The following TTC29 variants were observed in gnomAD, a reference collection of about 807,000 sequenced individuals.
TTC29 encodes the protein tetratricopeptide repeat domain 29.
In TTC29, 49 loss-of-function variants were observed where a neutral mutation model predicts 58.1. That is an observed-to-expected ratio of 0.84 (90% CI 0.67 to 1.07). The LOEUF is 1.07. TTC29 is among the 50% of genes least tolerant of loss of function. The pLI is 0.00. For synonymous variants in TTC29, 209 were observed against 196.8 expected, an observed-to-expected ratio of 1.06 and a Z score of -0.52; for missense variants, 582 against 555.6, an observed-to-expected ratio of 1.05 and a Z score of -0.48.
chr4:146,892,856 G>C (rs1196185964), intron 6 of TTC29, among the ~76,000 whole-genome samples: 1 of 152,142 alleles, frequency 6.6e-6, no homozygotes, highest in Admixed American at 6.5e-5. Context: ...CAAAATCAGT[G>C]TGCAAAAATC....
At chr4:146,940,005 T>G (rs935515515) in intron 2 of TTC29, 104 bp from the exon 3 acceptor site, 5 of 1,119,288 alleles carry the variant, frequency 4.5e-6, no homozygotes, top group Middle Eastern at 2.9e-4. Flanking sequence ...TAGTTGAGAA[T>G]GCCTATGTGT....
At chr4:146,887,073 G>C (rs539259010) in intron 6 of TTC29, among the ~76,000 whole-genome samples, 1 of 152,220 alleles carries the variant, frequency 6.6e-6, no homozygotes, top group Admixed American at 6.5e-5. Context: ...GAGTTGATGG[G>C]AAGTTGCTAA....
chr4:146,932,795 G>C (rs1395754184), intron 4 of TTC29, among the ~76,000 whole-genome samples: 1 of 152,084 alleles, frequency 6.6e-6, no homozygotes, highest in Non-Finnish European at 1.5e-5. Flanking sequence ...GGTGGTTCAC[G>C]CCTGTAGTCC....
At chr4:146,895,108 G>A (rs1243586516) in intron 6 of TTC29, among the ~76,000 whole-genome samples, 1 of 152,148 alleles carries the variant, frequency 6.6e-6, no homozygotes, top group Non-Finnish European at 1.5e-5. Context: ...AGTATGCTGA[G>A]GATAATGACT....
At chr4:146,881,719 C>T (rs923797176) in intron 6 of TTC29, among the ~76,000 whole-genome samples, 5 of 152,054 alleles carry the variant, frequency 3.3e-5, no homozygotes, top group Non-Finnish European at 7.4e-5. Flanking sequence ...GGGCTTGCCA[C>T]ACTTCCAACA....
At chr4:146,865,232 C>T (rs1730489007) in intron 8 of TTC29, among the ~76,000 whole-genome samples, 1 of 152,184 alleles carries the variant, frequency 6.6e-6, no homozygotes, top group African/African-American at 2.4e-5. Flanking sequence ...AGCATTTCCA[C>T]CTCTAGGAAT....
At chr4:146,919,141 A>G (rs780791918) in intron 4 of TTC29, among the ~76,000 whole-genome samples, 1 of 151,166 alleles carries the variant, frequency 6.6e-6, no homozygotes, top group African/African-American at 2.4e-5. Context: ...TTCCACATGG[A>G]AAGATATTAA....
chr4:146,932,930 C>T (rs13121059), intron 4 of TTC29, among the ~76,000 whole-genome samples: 44,200 of 151,736 alleles, frequency 0.29, 6,718 homozygotes, highest in African/African-American at 0.37. Context: ...TGGTGGCGGA[C>T]GCCTGTAGTC....
At chr4:146,940,300 T>C (rs1736258407) in intron 2 of TTC29, among the ~76,000 whole-genome samples, 1 of 152,222 alleles carries the variant, frequency 6.6e-6, no homozygotes, top group South Asian at 2.1e-4. Flanking sequence ...CAATCAATAA[T>C]TGAAAATTGC....
At chr4:146,903,926 G>A (rs1306199951) in intron 5 of TTC29, among the ~76,000 whole-genome samples, 197 bp from the exon 6 acceptor site, 1 of 152,118 alleles carries the variant, frequency 6.6e-6, no homozygotes, top group African/African-American at 2.4e-5. Context: ...ATGTGCAGAT[G>A]AGTAAAGCAA....
intron 8 of TTC29, among the ~76,000 whole-genome samples, chr4:146,852,433 C>A (rs1209684226): frequency 6.6e-6 from 1 of 152,210 alleles, no homozygotes; most frequent in East Asian, 1.9e-4. Flanking sequence ...CATCTGCTAG[C>A]TTTGTGACCA....
At chr4:146,827,617 TA>T (rs1727895575) in intron 9 of TTC29, among the ~76,000 whole-genome samples, 1 of 152,226 alleles carries the variant, frequency 6.6e-6, no homozygotes, top group Admixed American at 6.5e-5. Context: ...TTGATCATAC[TA>T]AAGTTATGAA....
chr4:146,770,093 TC>T (rs1747616382), intron 11 of TTC29, among the ~76,000 whole-genome samples: 2 of 151,956 alleles, frequency 1.3e-5, no homozygotes, highest in Admixed American at 1.3e-4. Context: ...CACTAGTTGT[TC>T]CTTAGGCTCA....
Position 146,874,713 on chromosome 4 carries a change from C to A in TTC29, c.799+3G>T. ...CAATGTGAGAGAGTTCTTTTCCACC[C>A]ACCTTCTTTGGCTATTTCAGAAGCT... On this transcript the variant is annotated splice_donor_region_variant and intron_variant, in intron 7 of 12. Transcript: ENST00000325106. 6.3e-7 allele frequency: 1 copy of A among 1,594,206 alleles called. No individual in the cohort carries two copies. Among genetic ancestry groups the A allele is most frequent in the Non-Finnish European group, 8.5e-7 (1 of 1,169,712 alleles).
intron 4 of TTC29, among the ~76,000 whole-genome samples, chr4:146,925,010 A>C (rs1018394000): frequency 3.9e-5 from 6 of 151,970 alleles, no homozygotes; most frequent in African/African-American, 7.2e-5. Flanking sequence ...CCAATTCGGG[A>C]AGATTTTCCA....
chr4:146,833,580 C>T (rs1561170689), intron 9 of TTC29, among the ~76,000 whole-genome samples: 2 of 151,916 alleles, frequency 1.3e-5, no homozygotes, highest in South Asian at 2.1e-4. Flanking sequence ...TTACAGAAAA[C>T]CAAAAAGAAA....
At chr4:146,776,143 G>A (rs1299852842) in intron 11 of TTC29, among the ~76,000 whole-genome samples, 1 of 152,102 alleles carries the variant, frequency 6.6e-6, no homozygotes, top group Non-Finnish European at 1.5e-5. Context: ...TATCAGATAA[G>A]TTTGTTTCTT....
chr4:146,740,750 C>A (rs1164252293), intron 11 of TTC29, among the ~76,000 whole-genome samples: 2 of 152,052 alleles, frequency 1.3e-5, no homozygotes, highest in East Asian at 3.9e-4. Flanking sequence ...GAGTCTCACT[C>A]AAGCCACTTC....
At chr4:146,714,027 A>G (rs903696822) in intron 11 of TTC29, among the ~76,000 whole-genome samples, 5 of 152,166 alleles carry the variant, frequency 3.3e-5, no homozygotes, top group Non-Finnish European at 2.9e-5. Context: ...AGACAGTGTA[A>G]CAGAAATCAG....
Sources: gnomAD v4.1 joint callset for allele counts (sites outside exome capture counted in the v4.1 genomes callset) on GRCh38, gnomAD v4.1.1 for gene constraint, MANE v1.5 for transcripts, NCBI Gene and HGNC (gene_info 2026-07-23, HGNC 2026-07-21) for gene names.